The following CABIN1 variants were observed in gnomAD, a reference collection of about 807,000 sequenced individuals.
CABIN1 encodes calcineurin binding protein 1, also known as calcineurin-binding protein cabin-1.
In CABIN1, 133 loss-of-function variants were observed where a neutral mutation model predicts 227.7. The observed-to-expected ratio is 0.58, with a 90% CI of 0.51 to 0.67. The LOEUF is 0.67. CABIN1 is among the 30% of genes least tolerant of loss of function. CABIN1 has a pLI of 0.00. For missense variants in CABIN1, 2,408 were observed against 2,852.5 expected (o/e 0.84, Z 3.55); for synonymous variants, 1,086 against 1,155.1 (o/e 0.94, Z 1.21).
chr22:24,135,708 G>T (rs2044355324), intron 29 of CABIN1, among the ~76,000 whole-genome samples: 2 of 152,214 alleles, frequency 1.3e-5, no homozygotes, highest in South Asian at 4.1e-4. Context: ...CTGAGCTTTG[G>T]TTTCTTCTGT....
At chr22:24,053,084 T>C (rs1327580377) in intron 8 of CABIN1, among the ~76,000 whole-genome samples, 3 of 147,090 alleles carry the variant, frequency 2.0e-5, no homozygotes, top group African/African-American at 5.0e-5. Flanking sequence ...TTTTCTTTTT[T>C]TTTTTTTTTT....
intron 28 of CABIN1, 98 bp downstream of exon 28, chr22:24,119,796 G>A (rs910508905): frequency 1.4e-5 from 17 of 1,172,584 alleles, no homozygotes; most frequent in Non-Finnish European, 2.0e-5. Flanking sequence ...GGAGCTTCAC[G>A]GTAGCAGCAC....
Position 24,038,344 on chromosome 22 carries a change from G to A in CABIN1, c.97-4G>A. 1 of 1,610,026 alleles carries A rather than the reference G, an allele frequency of 6.2e-7. No homozygotes were observed. The highest frequency in any genetic ancestry group is 1.1e-5 in the South Asian group (1 of 90,992). On this transcript the variant is annotated splice_polypyrimidine_tract_variant and splice_region_variant and intron_variant, in intron 3 of 36. Transcript: ENST00000263119. Reference sequence around the variant, plus strand: ...ATGAAAACATCTCTTGTCTTGATTTGCAGGAAGCAGAGGCTTTTGCATTGT... The same window carrying A: ...ATGAAAACATCTCTTGTCTTGATTTACAGGAAGCAGAGGCTTTTGCATTGT...
At chr22:24,013,598 C>G (rs1205249084) in intron 1 of CABIN1, among the ~76,000 whole-genome samples, 1 of 152,186 alleles carries the variant, frequency 6.6e-6, no homozygotes, top group Non-Finnish European at 1.5e-5. Context: ...ATGTTAACAT[C>G]TTACATAATC....
intron 19 of CABIN1, among the ~76,000 whole-genome samples, chr22:24,082,936 C>T (rs965644563): frequency 6.6e-6 from 1 of 152,178 alleles, no homozygotes; most frequent in Non-Finnish European, 1.5e-5. Context: ...CAAATATCTT[C>T]TTCTGGTGGC....
intron 16 of CABIN1, 27 bp downstream of exon 16, chr22:24,067,208 C>T: frequency 1.2e-6 from 2 of 1,609,220 alleles, no homozygotes; most frequent in Non-Finnish European, 1.7e-6. Flanking sequence ...TCCCTCACAC[C>T]CACTTGCACC....
rs577100675 is a variant in CABIN1 at position 24,136,179 on chromosome 22, G to A, written c.4746+1764G>A. 2.0e-5 allele frequency among the ~76,000 whole-genome samples: 3 copies of A among 152,014 alleles called. No homozygotes were observed. The East Asian group carries it at 5.8e-4, about 29-fold the overall frequency. On this transcript the variant is annotated intron_variant, in intron 29 of 36. Coordinates refer to ENST00000263119, the MANE Select transcript of CABIN1 (RefSeq NM_012295.4). The stretch of plus-strand genomic sequence containing the variant: ...TTTACAAGCTAGTGCACATAGATGC[G>A]CATAAAAGGCAAAAGTGCACACACT...
intron 30 of CABIN1, 98 bp from the exon 31 acceptor site, chr22:24,165,432 C>G (rs1172953739): frequency 2.0e-5 from 22 of 1,095,882 alleles, no homozygotes; most frequent in Non-Finnish European, 2.9e-5. Context: ...AACAAACAGG[C>G]ATCCTCAAGG....
At chr22:24,143,209 G>T (rs906580071) in intron 29 of CABIN1, among the ~76,000 whole-genome samples, 1 of 152,164 alleles carries the variant, frequency 6.6e-6, no homozygotes, top group Non-Finnish European at 1.5e-5. Flanking sequence ...CAAGTCAGGG[G>T]CCCCCTGGTT....
chr22:24,100,874 C>T lies in CABIN1; in HGVS notation c.4117+2682C>T, dbSNP rs145158929. 7.5e-4 allele frequency among the ~76,000 whole-genome samples: 115 copies of T among 152,366 alleles called. 1 individual carries two copies. The highest frequency in any genetic ancestry group is 2.6e-3 in the African/African-American group (110 of 41,590). The stretch of plus-strand genomic sequence containing the variant: ...TCGTTATGGGTATTAAACAAAAGTG[C>T]TTGTACATTGCAGCCACCTCCTGGA... On this transcript the variant is annotated intron_variant, in intron 26 of 36. Transcript: ENST00000263119.
At chr22:24,050,577 T>C (rs2038246932) in intron 7 of CABIN1, among the ~76,000 whole-genome samples, 1 of 152,226 alleles carries the variant, frequency 6.6e-6, no homozygotes, top group South Asian at 2.1e-4. Context: ...TTAATACATA[T>C]GAAAACTCTT....
Position 24,119,446 on chromosome 22 carries a change from C to T in CABIN1, c.4380C>T (p.Thr1460=). The change falls in exon 28 of 37, where the codon ACC becomes ACT. Residue 1460 remains threonine (T), a synonymous_variant. Coordinates refer to ENST00000263119, the MANE Select transcript of CABIN1 (RefSeq NM_012295.4). ...EQGVQKPAAE[T]PASACIPGKP... ...GTGTCCAGAAGCCTGCTGCAGAAAC[C>T]CCAGCCTCTGCTTGCATCCCTGGCA... The T allele has an allele frequency of 6.2e-7, 1 of 1,614,136 alleles. No individual in the cohort carries two copies.
intron 28 of CABIN1, among the ~76,000 whole-genome samples, chr22:24,133,700 C>G (rs904413490): frequency 6.6e-6 from 1 of 152,124 alleles, no homozygotes; most frequent in Non-Finnish European, 1.5e-5. Context: ...AGTGGCTGGC[C>G]AGGCAGCTGG....
At chr22:24,089,831 G>A (rs2041423603) in intron 23 of CABIN1, among the ~76,000 whole-genome samples, 1 of 152,226 alleles carries the variant, frequency 6.6e-6, no homozygotes, top group African/African-American at 2.4e-5. Context: ...TCTCAGGCAA[G>A]GGGAAAGGCT....
At chr22:24,136,301 G>T (rs2044390187) in intron 29 of CABIN1, among the ~76,000 whole-genome samples, 1 of 148,326 alleles carries the variant, frequency 6.7e-6, no homozygotes, top group Non-Finnish European at 1.5e-5. Flanking sequence ...CTACTGCATA[G>T]TAGTCCCAAC....
chr22:24,057,377 G>T (rs2038880251), intron 10 of CABIN1, among the ~76,000 whole-genome samples: 1 of 152,176 alleles, frequency 6.6e-6, no homozygotes, highest in South Asian at 2.1e-4. Context: ...TGAGTGGAGA[G>T]GCCTCTCTCG....
intron 26 of CABIN1, among the ~76,000 whole-genome samples, chr22:24,112,085 A>G (rs2042839063): frequency 6.6e-6 from 1 of 152,176 alleles, no homozygotes; most frequent in African/African-American, 2.4e-5. Flanking sequence ...TGTAGTACCA[A>G]TATCTGGGTT....
At chr22:24,125,329 G>A (rs1465637945) in intron 28 of CABIN1, among the ~76,000 whole-genome samples, 1 of 152,222 alleles carries the variant, frequency 6.6e-6, no homozygotes, top group Non-Finnish European at 1.5e-5. Flanking sequence ...CCTGGGTAAA[G>A]GACAGGTCAG....
chr22:24,049,757 C>G (rs1190649051), intron 7 of CABIN1, among the ~76,000 whole-genome samples: 1 of 152,178 alleles, frequency 6.6e-6, no homozygotes, highest in African/African-American at 2.4e-5. Flanking sequence ...CTTGCAGTTT[C>G]CAGGCGTGGT....
Sources: allele counts gnomAD v4.1 joint callset (sites outside exome capture counted in the v4.1 genomes callset), GRCh38; gene constraint gnomAD v4.1.1; transcripts MANE v1.5; gene names NCBI Gene and HGNC (gene_info 2026-07-23, HGNC 2026-07-21).